Variants in STAT5B observed in about 807,000 individuals in gnomAD.
STAT5B encodes signal transducer and activator of transcription 5B, also known as transcription factor STAT5B.
A neutral mutation model predicts 107.8 loss-of-function variants in STAT5B; 21 were observed. The observed-to-expected ratio is 0.19, with a 90% CI of 0.14 to 0.28. The LOEUF (loss-of-function observed/expected upper bound fraction) is 0.28, where lower values mean the gene tolerates loss of function less well. STAT5B is among the 10% of genes least tolerant of loss of function. STAT5B has a pLI of 1.00. For missense variants in STAT5B, 565 were observed against 1,008.2 expected, an observed-to-expected ratio of 0.56 and a Z score of 5.95; for synonymous variants, 325 against 401.7, an observed-to-expected ratio of 0.81 and a Z score of 2.28.
chr17:42,208,041 C>G (rs1406682624), intron 15 of STAT5B, among the ~76,000 whole-genome samples: 1 of 152,082 alleles, frequency 6.6e-6, no homozygotes, highest in African/African-American at 2.4e-5. Flanking sequence ...ATTACAGGCA[C>G]GCGCCACCAC....
chr17:42,215,141 A>G (rs1345540558), intron 12 of STAT5B, among the ~76,000 whole-genome samples: 2 of 152,184 alleles, frequency 1.3e-5, no homozygotes, highest in Non-Finnish European at 2.9e-5. Flanking sequence ...CCTTGAGGCA[A>G]AGTATCTCAT....
chr17:42,205,174 C>A (rs945462213), intron 16 of STAT5B, among the ~76,000 whole-genome samples: 2 of 151,884 alleles, frequency 1.3e-5, no homozygotes, highest in African/African-American at 4.8e-5. Context: ...ATTACAGGTA[C>A]CTGCCACCAT....
intron 18 of STAT5B, 65 bp downstream of exon 18, chr17:42,202,275 G>A: frequency 6.3e-7 from 1 of 1,593,268 alleles, no homozygotes; most frequent in Non-Finnish European, 8.6e-7. Flanking sequence ...CAGCCCTCCA[G>A]GGGTCCAGCC....
chr17:42,268,044 A>C (rs2080689610), intron 1 of STAT5B, among the ~76,000 whole-genome samples: 1 of 152,182 alleles, frequency 6.6e-6, no homozygotes, highest in African/African-American at 2.4e-5. Context: ...AACAATTTTC[A>C]AAATACATTT....
chr17:42,263,576 G>A (rs986205337), intron 1 of STAT5B, among the ~76,000 whole-genome samples: 2 of 152,040 alleles, frequency 1.3e-5, no homozygotes, highest in Admixed American at 6.6e-5. Context: ...CACCCAGGAC[G>A]AATGCAGTGG....
At chr17:42,248,154 G>A (rs960712921) in intron 1 of STAT5B, among the ~76,000 whole-genome samples, 10 of 151,382 alleles carry the variant, frequency 6.6e-5, no homozygotes, top group Admixed American at 2.6e-4. Flanking sequence ...GCGCATGCCT[G>A]TAGTTCTAGC....
At chr17:42,231,677 G>C (rs1258631698) in intron 2 of STAT5B, among the ~76,000 whole-genome samples, 4 of 152,040 alleles carry the variant, frequency 2.6e-5, no homozygotes, top group Non-Finnish European at 5.9e-5. Flanking sequence ...ACACTGCTAG[G>C]CATCCCATGG....
At chr17:42,227,298 G>C (rs1193091975) in intron 3 of STAT5B, among the ~76,000 whole-genome samples, 1 of 151,114 alleles carries the variant, frequency 6.6e-6, no homozygotes, top group Non-Finnish European at 1.5e-5. Context: ...TCAACAACAG[G>C]TGAATATGGG....
chr17:42,248,744 G>C (rs2080473961), intron 1 of STAT5B, among the ~76,000 whole-genome samples: 1 of 152,240 alleles, frequency 6.6e-6, no homozygotes, highest in South Asian at 2.1e-4. Context: ...TTCACAGGCG[G>C]CACTGTTACC....
At chr17:42,263,645 T>A (rs80022662) in intron 1 of STAT5B, among the ~76,000 whole-genome samples, 1 of 152,020 alleles carries the variant, frequency 6.6e-6, no homozygotes, top group Non-Finnish European at 1.5e-5. Context: ...TCCTACTTCA[T>A]CTTCCCAAGT....
At chr17:42,240,191 A>G (rs1426992815) in intron 1 of STAT5B, among the ~76,000 whole-genome samples, 1 of 152,216 alleles carries the variant, frequency 6.6e-6, no homozygotes, top group Non-Finnish European at 1.5e-5. Flanking sequence ...TCACAGCTGC[A>G]TTATTCATAA....
chr17:42,207,880 C>T, intron 15 of STAT5B, 152 bp from the exon 16 acceptor site: 2 of 823,264 alleles, frequency 2.4e-6, no homozygotes, highest in Non-Finnish European at 3.8e-6. Context: ...AGATGAAATA[C>T]TTTTATTTAT....
At chr17:42,257,802 T>C (rs1032178420) in intron 1 of STAT5B, among the ~76,000 whole-genome samples, 1 of 152,234 alleles carries the variant, frequency 6.6e-6, no homozygotes, top group African/African-American at 2.4e-5. Context: ...GGTCAAATTC[T>C]ACTAAAACAA....
intron 12 of STAT5B, among the ~76,000 whole-genome samples, chr17:42,215,401 TC>T: frequency 6.6e-6 from 1 of 152,106 alleles, no homozygotes; most frequent in Non-Finnish European, 1.5e-5. Context: ...AATTTAATCT[TC>T]CTAACAATGC....
At chr17:42,238,314 C>CTTTTT (rs778903836) in intron 1 of STAT5B, among the ~76,000 whole-genome samples, 2 of 137,824 alleles carry the variant, frequency 1.5e-5, no homozygotes, top group African/African-American at 2.7e-5. Context: ...AAGAAAAAAA[C>CTTTTT]TTTTTTTTTT....
upstream of STAT5B, among the ~76,000 whole-genome samples, chr17:42,278,753 G>A (rs1177890520): frequency 2.0e-5 from 3 of 152,110 alleles, no homozygotes; most frequent in South Asian, 2.1e-4. Context: ...AGCCAAGGTC[G>A]GTGGATCACG....
At chr17:42,281,619 G>A (rs1337000957), upstream of STAT5B, among the ~76,000 whole-genome samples, 5 of 152,274 alleles carry the variant, frequency 3.3e-5, no homozygotes, top group East Asian at 9.7e-4. Flanking sequence ...GGAGGGGAGG[G>A]GAGAGGACGG....
At chr17:42,248,384 A>G (rs2144350786) in intron 1 of STAT5B, among the ~76,000 whole-genome samples, 2 of 152,286 alleles carry the variant, frequency 1.3e-5, no homozygotes, top group East Asian at 3.9e-4. Flanking sequence ...GGAAAAAAAA[A>G]AAACAACAAC....
intron 2 of STAT5B, among the ~76,000 whole-genome samples, chr17:42,229,583 A>G: frequency 6.6e-6 from 1 of 152,096 alleles, no homozygotes; most frequent in South Asian, 2.1e-4. Flanking sequence ...ATAAAGAACT[A>G]AAGATTTGGC....
Sources: gnomAD v4.1 joint callset for allele counts (sites outside exome capture counted in the v4.1 genomes callset) on GRCh38, gnomAD v4.1.1 for gene constraint, MANE v1.5 for transcripts, NCBI Gene and HGNC (gene_info 2026-07-23, HGNC 2026-07-21) for gene names.